OCA2: variants seen among roughly 807,000 people sequenced by gnomAD.
OCA2 encodes P protein.
In OCA2, 77 loss-of-function variants were observed where a neutral mutation model predicts 100.2. The observed-to-expected ratio is 0.77, with a 90% CI of 0.64 to 0.93. The LOEUF (loss-of-function observed/expected upper bound fraction) is 0.93. Ranked by LOEUF, OCA2 falls within the 40% of genes least tolerant of loss-of-function variation. The pLI, the probability that OCA2 is intolerant of heterozygous loss-of-function variation, is 0.00. For synonymous variants in OCA2, 432 were observed against 439.2 expected (o/e 0.98, Z 0.21); for missense variants, 1,062 against 1,089.1 (o/e 0.98, Z 0.35).
At chr15:27,846,701 G>T (rs1374015999) in intron 22 of OCA2, among the ~76,000 whole-genome samples, 1 of 152,124 alleles carries the variant, frequency 6.6e-6, no homozygotes, top group Non-Finnish European at 1.5e-5. Flanking sequence ...ATTTCCTTTT[G>T]TAGGTTGCCA....
chr15:28,067,008 T>C (rs367973171), intron 2 of OCA2, among the ~76,000 whole-genome samples: 2 of 152,348 alleles, frequency 1.3e-5, no homozygotes, highest in South Asian at 2.1e-4. Context: ...GTACCTTACA[T>C]GTATTGATTG....
intron 2 of OCA2, among the ~76,000 whole-genome samples, chr15:28,061,348 C>T (rs1193357663): frequency 6.6e-6 from 1 of 152,080 alleles, no homozygotes; most frequent in Non-Finnish European, 1.5e-5. Context: ...ATTCACTGGC[C>T]ATACACAACA....
At chr15:28,066,464 T>C (rs1324015177) in intron 2 of OCA2, among the ~76,000 whole-genome samples, 1 of 152,150 alleles carries the variant, frequency 6.6e-6, no homozygotes, top group Non-Finnish European at 1.5e-5. Context: ...CCGTTGGAAT[T>C]CAGGCACAGC....
At chr15:28,048,384 T>A (rs2043405315) in intron 2 of OCA2, among the ~76,000 whole-genome samples, 1 of 152,098 alleles carries the variant, frequency 6.6e-6, no homozygotes, top group African/African-American at 2.4e-5. Flanking sequence ...AGAAATAAAC[T>A]CATACATCTT....
At chr15:27,866,342 C>G (rs1263432804) in intron 21 of OCA2, among the ~76,000 whole-genome samples, 1 of 152,142 alleles carries the variant, frequency 6.6e-6, no homozygotes, top group Non-Finnish European at 1.5e-5. Flanking sequence ...GGGTGTGTCT[C>G]GAGTGGCAGG....
At chr15:27,742,632 C>T in the OCA2 span, among the ~76,000 whole-genome samples, 7 of 152,252 alleles carry the variant, frequency 4.6e-5, no homozygotes, top group South Asian at 6.2e-4. Flanking sequence ...GGGCAAAACA[C>T]GAGGAAAGGA....
chr15:28,085,250 C>A (rs527365386), intron 1 of OCA2, among the ~76,000 whole-genome samples: 1 of 152,286 alleles, frequency 6.6e-6, no homozygotes, highest in South Asian at 2.1e-4. Flanking sequence ...CCCACTTAAA[C>A]CCCACACACC....
chr15:27,905,680 C>T (rs888225467), intron 19 of OCA2, among the ~76,000 whole-genome samples: 25 of 152,204 alleles, frequency 1.6e-4, no homozygotes, highest in African/African-American at 4.8e-4. Flanking sequence ...AGGCAGGAGT[C>T]GGAGGACTGT....
chr15:27,826,497 C>T, intron 23 of OCA2, among the ~76,000 whole-genome samples: 1 of 152,112 alleles, frequency 6.6e-6, no homozygotes. Context: ...TAGACGGAAC[C>T]CAGGCCTGGA....
chr15:28,008,701 A>G (rs573930775), intron 9 of OCA2, among the ~76,000 whole-genome samples: 1 of 152,378 alleles, frequency 6.6e-6, no homozygotes, highest in African/African-American at 2.4e-5. Context: ...TGAGGAAATT[A>G]AATTTATGTT....
At position 28,014,805 on chromosome 15, in the gene OCA2, C is replaced by T. The variant is rs148468031; in HGVS notation, c.1015G>A (p.Ala339Thr). 9.9e-6 allele frequency: 16 copies of T among 1,613,832 alleles called. No homozygotes were observed. The African/African-American group carries it at 1.1e-4, about 11-fold the overall frequency. ...TQVTIATAIL[A>T]GVYALIIFEI... is the part of the protein sequence containing the mutation. The stretch of plus-strand genomic sequence containing the variant: ...AATATGATCAGCGCGTAGACGCCCG[C>T]GAGGATGGCCGTCGCGATGGTCACC... The change falls in exon 9 of 24, where the codon GCG (alanine) becomes ACG (threonine). Residue 339 changes from alanine to threonine, a missense_variant. Physicochemically the swap from Ala to Thr is moderately conservative, Grantham distance 58. Transcript: ENST00000354638.
chr15:27,826,274 C>T (rs2034718171), intron 23 of OCA2, among the ~76,000 whole-genome samples: 1 of 152,158 alleles, frequency 6.6e-6, no homozygotes, highest in Non-Finnish European at 1.5e-5. Context: ...TACTGCATTC[C>T]ATGCCTGTAA....
chr15:27,990,884 A>G (rs950783041), intron 9 of OCA2, among the ~76,000 whole-genome samples: 1 of 152,210 alleles, frequency 6.6e-6, no homozygotes, highest in African/African-American at 2.4e-5. Flanking sequence ...TGACCCTGAT[A>G]AAGCAGCGGA....
At chr15:27,800,465 C>T (rs1264423334) in intron 23 of OCA2, among the ~76,000 whole-genome samples, 1 of 151,874 alleles carries the variant, frequency 6.6e-6, no homozygotes, top group Non-Finnish European at 1.5e-5. Flanking sequence ...GAAAAAAATA[C>T]AGAAGACACA....
intron 2 of OCA2, 28 bp from the exon 3 acceptor site, chr15:28,032,191 T>C (rs1275493893): frequency 6.7e-7 from 1 of 1,487,618 alleles, no homozygotes; most frequent in Admixed American, 1.7e-5. Context: ...GGAAACAGAA[T>C]CACCAACACA....
intron 2 of OCA2, among the ~76,000 whole-genome samples, chr15:28,056,407 T>G (rs1381321343): frequency 6.6e-6 from 1 of 152,186 alleles, no homozygotes; most frequent in Non-Finnish European, 1.5e-5. Flanking sequence ...AGAAAATTTG[T>G]CCACAGGAGG....
At chr15:27,994,127 C>A (rs189202674) in intron 9 of OCA2, among the ~76,000 whole-genome samples, 1 of 152,292 alleles carries the variant, frequency 6.6e-6, no homozygotes, top group Admixed American at 6.5e-5. Context: ...ACCAGGGCCG[C>A]ACAGTGGGAG....
chr15:28,076,853 CAAAAAAA>C (rs575299612), intron 2 of OCA2, among the ~76,000 whole-genome samples: 20 of 60,752 alleles, frequency 3.3e-4, no homozygotes, highest in African/African-American at 7.9e-4. Flanking sequence ...GACTCCGTCT[CAAAAAAA>C]AAAAAAAAAA....
chr15:27,740,218 T>G, the OCA2 span, among the ~76,000 whole-genome samples: 1 of 152,176 alleles, frequency 6.6e-6, no homozygotes, highest in African/African-American at 2.4e-5. Flanking sequence ...AAGGTTGGCA[T>G]TTCTGAGATC....
Sources: allele counts gnomAD v4.1 joint callset (sites outside exome capture counted in the v4.1 genomes callset), GRCh38; gene constraint gnomAD v4.1.1; transcripts MANE v1.5; gene names NCBI Gene and HGNC (gene_info 2026-07-23, HGNC 2026-07-21).